The following GRIK2 variants were observed in gnomAD, a reference collection of about 807,000 sequenced individuals.
GRIK2 encodes the protein glutamate ionotropic receptor kainate type subunit 2.
A neutral mutation model predicts 100.3 loss-of-function variants in GRIK2; 32 were observed. That is an observed-to-expected ratio of 0.32 (90% CI 0.24 to 0.43). The LOEUF (loss-of-function observed/expected upper bound fraction) is 0.43. GRIK2 is among the 20% of genes least tolerant of loss of function. The pLI is 1.00. For synonymous variants in GRIK2, 417 were observed against 389.4 expected (o/e 1.07, Z -0.83); for missense variants, 843 against 1,114.9 (o/e 0.76, Z 3.47).
At chr6:101,845,789 A>T (rs1783772542) in intron 10 of GRIK2, among the ~76,000 whole-genome samples, 2 of 152,162 alleles carry the variant, frequency 1.3e-5, no homozygotes, top group South Asian at 4.1e-4. Context: ...CAAATGTATG[A>T]AGGTTCTATT....
At chr6:101,937,068 T>A (rs1327611045) in intron 14 of GRIK2, among the ~76,000 whole-genome samples, 1 of 152,154 alleles carries the variant, frequency 6.6e-6, no homozygotes, top group African/African-American at 2.4e-5. Flanking sequence ...GACAGAAGTT[T>A]AATCCTTTTC....
chr6:101,989,435 C>T (rs1794233735), intron 14 of GRIK2, among the ~76,000 whole-genome samples: 2 of 151,570 alleles, frequency 1.3e-5, no homozygotes, highest in South Asian at 4.1e-4. Context: ...ATATGCTTGC[C>T]CGGATAAAGC....
At position 101,491,307 on chromosome 6, in the gene GRIK2, A is replaced by T. The variant is rs115344736; in HGVS notation, c.115+91915A>T. Among the ~76,000 whole-genome samples, 870 of 151,860 alleles carry T rather than the reference A, an allele frequency of 5.7e-3. 10 individuals carry two copies. Among genetic ancestry groups the T allele is most frequent in the African/African-American group, 0.02 (818 of 41,476 alleles). ...AAAAAAACCCAACCAAACAAACAAAAGAAACCTCACATTCATTTGGGATTG... is the reference window on the plus strand; with the variant it reads ...AAAAAAACCCAACCAAACAAACAAATGAAACCTCACATTCATTTGGGATTG... On this transcript the variant is annotated intron_variant, in intron 2 of 16. Coordinates refer to ENST00000369134, the MANE Select transcript of GRIK2 (RefSeq NM_021956.5).
chr6:101,466,885 C>CTTTG (rs1771677116), intron 2 of GRIK2, among the ~76,000 whole-genome samples: 1 of 152,158 alleles, frequency 6.6e-6, no homozygotes. Context: ...TACTTTGTGA[C>CTTTG]TGATGAGACT....
chr6:101,771,736 T>A (rs1344176339), intron 7 of GRIK2, among the ~76,000 whole-genome samples: 1 of 136,112 alleles, frequency 7.3e-6, no homozygotes, highest in Non-Finnish European at 1.5e-5. Flanking sequence ...CCTGTGTCCA[T>A]GTGTTCTCAT....
chr6:101,635,839 A>C (rs1780979321), intron 4 of GRIK2, among the ~76,000 whole-genome samples: 1 of 152,208 alleles, frequency 6.6e-6, no homozygotes, highest in African/African-American at 2.4e-5. Flanking sequence ...ATCATTAAAA[A>C]GTCAGGAAAC....
intron 11 of GRIK2, among the ~76,000 whole-genome samples, chr6:101,860,432 G>A (rs886683687): frequency 2.6e-4 from 40 of 152,216 alleles, no homozygotes; most frequent in African/African-American, 9.1e-4. Context: ...TATGAAAGGA[G>A]AAACTTGTGC....
chr6:101,826,414 A>G (rs1172316637), intron 10 of GRIK2, among the ~76,000 whole-genome samples: 1 of 152,092 alleles, frequency 6.6e-6, no homozygotes, highest in Admixed American at 6.6e-5. Flanking sequence ...AGCAGGGATG[A>G]TAGCACTGCC....
At chr6:101,899,549 G>A (rs1045039921) in intron 12 of GRIK2, among the ~76,000 whole-genome samples, 7 of 151,638 alleles carry the variant, frequency 4.6e-5, no homozygotes, top group African/African-American at 7.3e-5. Context: ...CTCTTTCCCC[G>A]CCTGGATATA....
intron 2 of GRIK2, among the ~76,000 whole-genome samples, chr6:101,583,451 G>A (rs1349149344): frequency 5.9e-5 from 9 of 152,026 alleles, no homozygotes; most frequent in Non-Finnish European, 8.8e-5. Context: ...GCCATGTGTA[G>A]CTACATTATA....
chr6:101,942,756 A>G lies in GRIK2; in HGVS notation c.2085+14124A>G, dbSNP rs189224143. 1.5e-3 allele frequency among the ~76,000 whole-genome samples: 227 copies of G among 152,330 alleles called. 5 individuals carry two copies. The highest frequency in any genetic ancestry group is 0.01 in the Middle Eastern group (3 of 294). ...TTCTACTAACAGCATACAGTCATAC[A>G]TGTTCACAAAGAGATGGTCTGAAAT... On this transcript the variant is annotated intron_variant, in intron 14 of 16. Coordinates refer to ENST00000369134, the MANE Select transcript of GRIK2 (RefSeq NM_021956.5).
chr6:101,395,820 G>A lies in GRIK2; in HGVS notation c.-294+1983G>A, dbSNP rs1345372832. On this transcript the variant is annotated intron_variant, in intron 1 of 16. Transcript: ENST00000369134. ...ACTTCTAAATACAGCTTCTCTCTGG[G>A]TGTGCGTGTATGTGTGTTTTTGCAG... 4.6e-5 allele frequency among the ~76,000 whole-genome samples: 7 copies of A among 152,130 alleles called. No individual in the cohort carries two copies. In the East Asian group the frequency reaches 1.2e-3, roughly 25 times the overall value.
chr6:101,525,651 G>C (rs1004569326), intron 2 of GRIK2, among the ~76,000 whole-genome samples: 2 of 152,112 alleles, frequency 1.3e-5, no homozygotes, highest in Non-Finnish European at 2.9e-5. Context: ...TTTTATACTT[G>C]GGTTTTAATT....
intron 4 of GRIK2, among the ~76,000 whole-genome samples, chr6:101,631,540 A>T (rs1216380807): frequency 6.6e-6 from 1 of 152,146 alleles, no homozygotes; most frequent in Non-Finnish European, 1.5e-5. Flanking sequence ...TTAATCTTCA[A>T]AACAATTCTG....
chr6:102,049,735 ATATAT>A (rs1164954132), intron 15 of GRIK2, among the ~76,000 whole-genome samples: 5 of 152,148 alleles, frequency 3.3e-5, no homozygotes, highest in African/African-American at 1.2e-4. Flanking sequence ...TTAGAAGGAG[ATATAT>A]TATAAAAAGC....
chr6:101,968,114 A>T (rs889382416), intron 14 of GRIK2, among the ~76,000 whole-genome samples: 1 of 152,100 alleles, frequency 6.6e-6, no homozygotes, highest in African/African-American at 2.4e-5. Context: ...AAGTGAAACA[A>T]TAAAATATAA....
chr6:101,694,829 A>G (rs1772364547), intron 7 of GRIK2, among the ~76,000 whole-genome samples: 1 of 151,868 alleles, frequency 6.6e-6, no homozygotes, highest in African/African-American at 2.4e-5. Context: ...TTTCAGTTTT[A>G]TGAATAATCT....
chr6:101,795,750 C>G (rs1252869158), intron 7 of GRIK2, among the ~76,000 whole-genome samples: 1 of 152,164 alleles, frequency 6.6e-6, no homozygotes, highest in African/African-American at 2.4e-5. Flanking sequence ...GTTCTCAGGT[C>G]CCTGGGTGGC....
chr6:101,919,164 T>C (rs1014149718), intron 12 of GRIK2, among the ~76,000 whole-genome samples: 3 of 151,734 alleles, frequency 2.0e-5, no homozygotes, highest in Admixed American at 2.0e-4. Context: ...CAGTAGTTAA[T>C]AGATATTGAT....
Sources: allele counts gnomAD v4.1 joint callset (sites outside exome capture counted in the v4.1 genomes callset), GRCh38; gene constraint gnomAD v4.1.1; transcripts MANE v1.5; gene names NCBI Gene and HGNC (gene_info 2026-07-23, HGNC 2026-07-21).